The following RYR2 variants were observed in gnomAD, a reference collection of about 807,000 sequenced individuals.
The protein encoded by RYR2 is ryanodine receptor 2.
RYR2 carries 227 observed loss-of-function variants against 601.1 expected under a neutral mutation model. That is an observed-to-expected ratio of 0.38 (90% CI 0.34 to 0.42). The LOEUF is 0.42. RYR2 is among the 10% of genes least tolerant of loss of function. The probability of loss-of-function intolerance (pLI) is 1.00; values close to 1 mark genes in which losing one functional copy is unlikely to be tolerated. For synonymous variants in RYR2, 2,223 were observed against 2,175.1 expected, an observed-to-expected ratio of 1.02 and a Z score of -0.61; for missense variants, 4,646 against 6,156.5, an observed-to-expected ratio of 0.75 and a Z score of 8.21.
chr1:237,826,280 G>T (rs1663074663), intron 101 of RYR2, among the ~76,000 whole-genome samples: 1 of 152,160 alleles, frequency 6.6e-6, no homozygotes, highest in East Asian at 1.9e-4. Context: ...GCCCATCAAT[G>T]ATAGACTAGA....
intron 27 of RYR2, among the ~76,000 whole-genome samples, chr1:237,552,604 A>G (rs1670511321): frequency 6.6e-6 from 1 of 152,014 alleles, no homozygotes; most frequent in South Asian, 2.1e-4. Flanking sequence ...ATATAAATGT[A>G]ACCTATAAAT....
chr1:237,760,351 G>A (rs951986259), intron 83 of RYR2, among the ~76,000 whole-genome samples: 2 of 95,392 alleles, frequency 2.1e-5, no homozygotes, highest in African/African-American at 7.7e-5. Context: ...GTGAGACCCT[G>A]TCGCTAATTT....
chr1:237,623,947 T>G, intron 39 of RYR2, 77 bp downstream of exon 39: 1 of 918,694 alleles, frequency 1.1e-6, no homozygotes, highest in Non-Finnish European at 1.8e-6. Flanking sequence ...ATTAAGTGTA[T>G]ATGCGAATAT....
intron 3 of RYR2, among the ~76,000 whole-genome samples, chr1:237,337,160 G>A (rs764659967): frequency 2.7e-5 from 4 of 150,416 alleles, no homozygotes; most frequent in Non-Finnish European, 5.9e-5. Context: ...GCTGAGGCAC[G>A]AGAATCACTT....
At chr1:237,289,154 G>T (rs921411479) in intron 2 of RYR2, among the ~76,000 whole-genome samples, 1 of 152,142 alleles carries the variant, frequency 6.6e-6, no homozygotes, top group African/African-American at 2.4e-5. Flanking sequence ...CAGTTTTAGG[G>T]GGGTCTCCCG....
At chr1:237,217,697 GTTGTGT>G (rs10618352) in intron 1 of RYR2, among the ~76,000 whole-genome samples, 47,956 of 151,214 alleles carry the variant, frequency 0.32, 8,166 homozygotes, top group Admixed American at 0.4. Context: ...GTGTGAAGTA[GTTGTGT>G]TTGTGTCCTG....
intron 1 of RYR2, among the ~76,000 whole-genome samples, chr1:237,236,394 G>A (rs977443631): frequency 6.6e-5 from 10 of 152,116 alleles, no homozygotes; most frequent in Non-Finnish European, 1.2e-4. Context: ...AATGCAGATG[G>A]GGATAAAATC....
intron 58 of RYR2, among the ~76,000 whole-genome samples, chr1:237,672,477 A>T (rs1326028591): frequency 6.6e-6 from 1 of 152,190 alleles, no homozygotes; most frequent in African/African-American, 2.4e-5. Flanking sequence ...TTTTATTTTT[A>T]ACTGATACAT....
intron 10 of RYR2, among the ~76,000 whole-genome samples, chr1:237,396,447 T>C (rs950492851): frequency 6.6e-6 from 1 of 152,210 alleles, no homozygotes; most frequent in Non-Finnish European, 1.5e-5. Context: ...TGCTACAGAT[T>C]CTTCCATAGA....
intron 4 of RYR2, among the ~76,000 whole-genome samples, chr1:237,363,861 A>G (rs111479215): frequency 1.3e-5 from 2 of 152,190 alleles, no homozygotes; most frequent in South Asian, 2.1e-4. Context: ...GAAATTGCTT[A>G]CTGTTATTTT....
rs757197730 is a variant in RYR2, at chr1:237,666,583, C to A, written c.8508C>A (p.Asp2836Glu). 7 of 1,611,090 alleles carry A rather than the reference C, an allele frequency of 4.3e-6. No homozygotes were observed. The South Asian group carries it at 4.4e-5, about 10-fold the overall frequency. ...TGAGCAATGTTACACTATCTAGAGA[C>A]CTGCATGTAAGTACTATTAACTTTT... Reference protein sequence around the residue: ...IDMSNVTLSRDLHAMAEMMAE... With the variant: ...IDMSNVTLSRELHAMAEMMAE... The change falls in exon 57 of 105, where the codon GAC becomes GAA. Residue 2836 changes from aspartate to glutamate, a missense_variant. By Grantham distance (45) the Asp-to-Glu change is conservative. Around this residue, in one of 17 missense-constraint regions of RYR2, gnomAD observed 1,497 missense variants for 1,842.6 expected, o/e 0.81. Coordinates refer to ENST00000366574, the MANE Select transcript of RYR2 (RefSeq NM_001035.3).
intron 34 of RYR2, among the ~76,000 whole-genome samples, chr1:237,601,762 AAGTT>A (rs1246017082): frequency 5.9e-5 from 9 of 152,146 alleles, no homozygotes; most frequent in African/African-American, 2.2e-4. Context: ...AAAATGGAAA[AAGTT>A]AGATTAATTA....
chr1:237,121,501 A>C (rs116167964), intron 1 of RYR2, among the ~76,000 whole-genome samples: 1,630 of 152,358 alleles, frequency 0.011, 18 homozygotes, highest in South Asian at 0.033. Context: ...AGGAAACGGT[A>C]AACTCCAAAT....
In RYR2 at chr1:237,730,122, G is replaced by A; in HGVS notation, c.10839-138G>A. ...TTGCTGCAAGAAGCATTGTCTTTCAGGAGGAGAGTCAAGAATAGAGAATTT... is the reference window on the plus strand; with the variant it reads ...TTGCTGCAAGAAGCATTGTCTTTCAAGAGGAGAGTCAAGAATAGAGAATTT... On this transcript the variant is annotated intron_variant, in intron 76 of 104. Transcript: ENST00000366574. 5.1e-6 allele frequency: 3 copies of A among 586,886 alleles called. No homozygotes were observed. The South Asian group carries it at 6.6e-5, about 13-fold the overall frequency. 36.4% of individuals were successfully genotyped at this position (586,886 alleles called of 1,614,324 possible).
At chr1:237,791,812 G>A (rs781352278) in intron 93 of RYR2, 84 of 564,824 alleles carry the variant, frequency 1.5e-4, no homozygotes, top group Admixed American at 3.5e-4. Flanking sequence ...GTGGCATACC[G>A]TATTATATTA....
chr1:237,348,101 G>A (rs144442404), intron 3 of RYR2, among the ~76,000 whole-genome samples: 217 of 152,248 alleles, frequency 1.4e-3, no homozygotes, highest in African/African-American at 4.7e-3. Context: ...AGAGAAATAA[G>A]GCTTACACTC....
At position 237,833,352 on chromosome 1, in the gene RYR2, C is replaced by CT. The variant is rs1491336090; in HGVS notation, c.*705_*706insT. 1 of 80,484 alleles carries CT rather than the reference C, an allele frequency of 1.2e-5. No individual in the cohort carries two copies. The highest frequency in any genetic ancestry group is 6.4e-5 in the African/African-American group (1 of 15,646). 5.0% of individuals were successfully genotyped at this position (80,484 alleles called of 1,614,324 possible). ...TCTCATTCAGCTAAATTCACATTTG[C>CT]CCCCCCCCCCCGCCCCCGCCCCCAT... On this transcript the variant is annotated 3_prime_UTR_variant, in exon 105 of 105. Coordinates refer to ENST00000366574, the MANE Select transcript of RYR2 (RefSeq NM_001035.3).
intron 10 of RYR2, among the ~76,000 whole-genome samples, chr1:237,414,840 A>G (rs563643461): frequency 3.9e-4 from 59 of 152,298 alleles, no homozygotes; most frequent in African/African-American, 1.3e-3. Flanking sequence ...AGCCTAGAGG[A>G]CGTATGTTAA....
chr1:237,179,074 T>C (rs1303584254), intron 1 of RYR2, among the ~76,000 whole-genome samples: 1 of 152,216 alleles, frequency 6.6e-6, no homozygotes, highest in African/African-American at 2.4e-5. Context: ...ATAATAGCTC[T>C]TATAATAAAT....
Sources: gnomAD v4.1 joint callset for allele counts (sites outside exome capture counted in the v4.1 genomes callset) on GRCh38, gnomAD v4.1.1 for gene constraint, gnomAD v4.1.1 regional missense constraint, MANE v1.5 for transcripts, NCBI Gene and HGNC (gene_info 2026-07-23, HGNC 2026-07-21) for gene names.